SYT3: variants seen among roughly 807,000 people sequenced by gnomAD.
SYT3 encodes synaptotagmin 3.
SYT3 carries 25 observed loss-of-function variants against 50.6 expected under a neutral mutation model. That is an observed-to-expected ratio of 0.49 (90% confidence interval 0.36 to 0.69). The LOEUF (loss-of-function observed/expected upper bound fraction) is 0.69, where lower values mean the gene tolerates loss of function less well. Among genes scored for constraint, SYT3 ranks in the 30% least tolerant of loss-of-function variants. The pLI is 0.00. For missense variants in SYT3, 589 were observed against 793.6 expected, an observed-to-expected ratio of 0.74 and a Z score of 3.10; for synonymous variants, 323 against 353.9, an observed-to-expected ratio of 0.91 and a Z score of 0.98.
Position 50,622,347 on chromosome 19 carries a change from T to G in SYT3, c.*138A>C, listed in dbSNP as rs879205122. ...TCCTCTCATCCTCTCGCTTCCAGGG[T>G]TAGGAAGCCTAGGGCCAGGGCTGCC... On this transcript the variant is annotated 3_prime_UTR_variant, in exon 11 of 11. Transcript: ENST00000600079. 1.9e-4 allele frequency: 47 copies of G among 248,306 alleles called. No homozygotes were observed. The highest frequency in any genetic ancestry group is 2.7e-4 in the Non-Finnish European group (34 of 128,034). The allele number at this position is 248,306 out of a possible 1,614,324, so 15.4% of individuals were successfully genotyped here.
chr19:50,632,829 A>C lies in SYT3; in HGVS notation c.149-18T>G. On this transcript the variant is annotated intron_variant, in intron 3 of 10. Coordinates refer to ENST00000600079, the MANE Select transcript of SYT3 (RefSeq NM_001160329.2). The surrounding 1 kb of genome is among the most constrained non-coding windows in gnomAD (Gnocchi z 4.7). ...GGAGATGTCTGGAGAGAACGAGGAC[A>C]GAGGTAGGGGTCAGGATGGGGTCAC... The C allele has an allele frequency of 6.7e-7, 1 of 1,490,874 alleles. No homozygotes were observed. Among genetic ancestry groups the C allele is most frequent in the Non-Finnish European group, 8.9e-7 (1 of 1,123,052 alleles). The allele number at this position is 1,490,874 out of a possible 1,614,324, so 92.4% of individuals were successfully genotyped here.
intron 6 of SYT3, among the ~76,000 whole-genome samples, chr19:50,626,953 GA>G (rs1984094471): frequency 1.5e-5 from 2 of 133,734 alleles, no homozygotes; most frequent in African/African-American, 6.3e-5. Flanking sequence ...CCAAGAGAAA[GA>G]GAGAGAGAGA....
At chr19:50,655,105 G>A in the SYT3 span, among the ~76,000 whole-genome samples, 1 of 152,208 alleles carries the variant, frequency 6.6e-6, no homozygotes, top group Non-Finnish European at 1.5e-5. Flanking sequence ...CTTCATTGGT[G>A]AGAGCATGGT....
At position 50,625,706 on chromosome 19, in the gene SYT3, A is replaced by C; in HGVS notation, c.1403-142T>G. On this transcript the variant is annotated intron_variant, in intron 7 of 10. Coordinates refer to ENST00000600079, the MANE Select transcript of SYT3 (RefSeq NM_001160329.2). The surrounding 1 kb of genome is among the most constrained non-coding windows in gnomAD (Gnocchi z 7.5). The stretch of plus-strand genomic sequence containing the variant: ...CAGTCCCTCCTTCCTCAGGCCCAAG[A>C]GTCCAGACCCCAGGTCCTCCTCTCT... 1 of 1,400,538 alleles carries C rather than the reference A, an allele frequency of 7.1e-7. No individual in the cohort carries two copies. Among genetic ancestry groups the C allele is most frequent in the Non-Finnish European group, 9.6e-7 (1 of 1,045,756 alleles). 86.8% of individuals were successfully genotyped at this position (1,400,538 alleles called of 1,614,324 possible).
At chr19:50,638,468 A>G (rs1190769230) in intron 2 of SYT3, among the ~76,000 whole-genome samples, 1 of 150,592 alleles carries the variant, frequency 6.6e-6, no homozygotes, top group Non-Finnish European at 1.5e-5. Flanking sequence ...GGAGGGAGAG[A>G]TACAGGGAGG....
chr19:50,633,762 A>G (rs1458256294), intron 3 of SYT3, among the ~76,000 whole-genome samples: 1 of 152,202 alleles, frequency 6.6e-6, no homozygotes, highest in Non-Finnish European at 1.5e-5. Context: ...CAGGTTATTT[A>G]AGCCTGCCAG....
rs753387294 is a variant in SYT3, at chr19:50,632,854, C to T, written c.149-43G>A. 1.4e-6 allele frequency: 2 copies of T among 1,435,686 alleles called. No individual in the cohort carries two copies. Among genetic ancestry groups the T allele is most frequent in the East Asian group, 4.8e-5 (2 of 42,024 alleles). 88.9% of individuals were successfully genotyped at this position (1,435,686 alleles called of 1,614,324 possible). A position where few individuals can be genotyped will look rare whatever the true frequency, so the allele number is the denominator to read the frequency against. The stretch of plus-strand genomic sequence containing the variant: ...AGAGGTAGGGGTCAGGATGGGGTCA[C>T]AGTACATCCTCCCTCTGCTGTCCCC... On this transcript the variant is annotated intron_variant, in intron 3 of 10. Transcript: ENST00000600079. The surrounding 1 kb of genome is among the most constrained non-coding windows in gnomAD (Gnocchi z 4.7).
chr19:50,644,290 GA>G (rs1223844494), upstream of SYT3, among the ~76,000 whole-genome samples: 1 of 152,208 alleles, frequency 6.6e-6, no homozygotes, highest in Non-Finnish European at 1.5e-5. Flanking sequence ...ATAGGTGGAT[GA>G]GTGAATGGCT....
At chr19:50,624,603 A>C (rs1983975508) in intron 9 of SYT3, among the ~76,000 whole-genome samples, 3 of 141,932 alleles carry the variant, frequency 2.1e-5, no homozygotes, top group Non-Finnish European at 3.0e-5. Context: ...CCCAGGCTGG[A>C]GTGCAATGGC....
the SYT3 span, among the ~76,000 whole-genome samples, chr19:50,656,511 A>C: frequency 6.6e-6 from 1 of 152,260 alleles, no homozygotes; most frequent in Admixed American, 6.5e-5. Context: ...AATTTGTCAA[A>C]GGGTCAGTCA....
Position 50,629,807 on chromosome 19 carries a change from G to A in SYT3, c.1039C>T (p.Arg347Cys). Residue 347 changes from arginine (R) to cysteine (C), a missense_variant, in exon 5 of 11, where the codon CGC (arginine) becomes TGC (cysteine). Transcript: ENST00000600079. ...PYVKIYLLPD[R>C]KKKFQTKVHR... ...ACCTTGGTCTGAAACTTTTTCTTGC[G>A]GTCAGGCAGCAGGTAGATCTTGACG... 2 of 1,613,220 alleles carry A rather than the reference G, an allele frequency of 1.2e-6. No homozygotes were observed. Among genetic ancestry groups the A allele is most frequent in the Non-Finnish European group, 8.5e-7 (1 of 1,179,526 alleles).
chr19:50,640,724 G>A (rs1283789177), upstream of SYT3, among the ~76,000 whole-genome samples: 1 of 149,782 alleles, frequency 6.7e-6, no homozygotes, highest in African/African-American at 2.4e-5. Flanking sequence ...TAGCTGATGA[G>A]AAAAAAAAAA....
upstream of SYT3, among the ~76,000 whole-genome samples, chr19:50,644,447 G>C (rs1402011101): frequency 1.3e-5 from 2 of 151,848 alleles, no homozygotes; most frequent in African/African-American, 2.4e-5. Flanking sequence ...AATAGATGAA[G>C]GGATGGATGA....
At chr19:50,655,926 A>C in the SYT3 span, 1 of 911,212 alleles carries the variant, frequency 1.1e-6, no homozygotes, top group Non-Finnish European at 1.7e-6. Flanking sequence ...AGAGACAGTA[A>C]CTCAACATCT....
chr19:50,651,253 T>C, the SYT3 span, among the ~76,000 whole-genome samples: 37 of 152,340 alleles, frequency 2.4e-4, no homozygotes, highest in Non-Finnish European at 4.7e-4. Context: ...TGGGAAGTTC[T>C]TGCAGGTGAC....
the SYT3 span, chr19:50,649,484 G>A: frequency 2.0e-6 from 3 of 1,536,230 alleles, no homozygotes; most frequent in Non-Finnish European, 2.6e-6. Context: ...CCCTGCCATG[G>A]GCAGCCCCAC....
At chr19:50,642,190 C>T (rs776652521), upstream of SYT3, among the ~76,000 whole-genome samples, 9 of 152,220 alleles carry the variant, frequency 5.9e-5, no homozygotes, top group Non-Finnish European at 8.8e-5. Flanking sequence ...TGCAGGTCCC[C>T]ATGCCAACTC....
At chr19:50,655,748 A>C in the SYT3 span, among the ~76,000 whole-genome samples, 8 of 152,068 alleles carry the variant, frequency 5.3e-5, no homozygotes, top group Non-Finnish European at 1.2e-4. Context: ...TAGAAGAGGA[A>C]GCAAAAAGGA....
the SYT3 span, among the ~76,000 whole-genome samples, chr19:50,655,851 T>C: frequency 6.6e-6 from 1 of 151,954 alleles, no homozygotes; most frequent in East Asian, 1.9e-4. Flanking sequence ...GAAGGAGAAA[T>C]GTGGTTAGTA....
Sources: gnomAD v4.1 joint callset for allele counts (sites outside exome capture counted in the v4.1 genomes callset) on GRCh38, gnomAD v4.1.1 for gene constraint, Gnocchi (gnomAD v3.1) non-coding constraint, MANE v1.5 for transcripts, NCBI Gene and HGNC (gene_info 2026-07-23, HGNC 2026-07-21) for gene names.